NR1D2: variants seen among roughly 807,000 people sequenced by gnomAD.
NR1D2 encodes nuclear receptor subfamily 1 group D member 2.
Under a neutral mutation model 52.2 loss-of-function variants are expected in NR1D2, and 25 were observed. The observed-to-expected ratio is 0.48, with a 90% CI of 0.35 to 0.67. The LOEUF (loss-of-function observed/expected upper bound fraction) is 0.67, where lower values mean the gene tolerates loss of function less well. Among genes scored for constraint, NR1D2 ranks in the 30% least tolerant of loss-of-function variants. NR1D2 has a pLI of 0.01. For missense variants in NR1D2, 681 were observed against 707.2 expected (o/e 0.96, Z 0.42); for synonymous variants, 259 against 230.1 (o/e 1.13, Z -1.14).
chr3:23,977,269 A>G lies in NR1D2; in HGVS notation c.1590A>G (p.Glu530=). The G allele has an allele frequency of 6.2e-7, 1 of 1,609,760 alleles. No homozygotes were observed. Among genetic ancestry groups the G allele is most frequent in the Non-Finnish European group, 8.5e-7 (1 of 1,178,202 alleles). The change falls in exon 8 of 8, where the codon GAA becomes GAG. Residue 530 remains glutamate, a synonymous_variant. Coordinates refer to ENST00000312521, the MANE Select transcript of NR1D2 (RefSeq NM_005126.5). ...ENVNSVEALQ[E]TLIRALRTLI... is the part of the protein sequence containing the mutation. ...TCAACTCTGTGGAGGCTTTGCAGGA[A>G]ACTCTCATTCGTGCACTAAGGACCT... is the stretch of plus-strand genomic sequence containing the variant.
chr3:23,957,615 C>T (rs1318990872), intron 3 of NR1D2, among the ~76,000 whole-genome samples: 5 of 149,982 alleles, frequency 3.3e-5, no homozygotes, highest in African/African-American at 7.3e-5. Flanking sequence ...CCCAGCTACT[C>T]GGGAGGCTGA....
chr3:23,964,702 C>A, intron 5 of NR1D2: 1 of 274,790 alleles, frequency 3.6e-6, no homozygotes, highest in Middle Eastern at 1.1e-3. Context: ...AACTCTTAAA[C>A]CTGTGCAACA....
intron 7 of NR1D2, among the ~76,000 whole-genome samples, chr3:23,971,301 C>CCATTTTTTTTTTTTTTT (rs201185985): frequency 9.0e-6 from 1 of 110,852 alleles, no homozygotes. Context: ...ATCTCTATAC[C>CCATTTTTTTTTTTTTTT]TATTTTTTTT....
rs1233777766 is a variant in NR1D2, at chr3:23,973,062, A to ACTG, written c.1544-4159_1544-4158insGCT. The stretch of plus-strand genomic sequence containing the variant: ...ACTTCCTACACCTGTCCAACCAACT[A>ACTG]CTACTAATACTAGTTCCCACTCAGG... On this transcript the variant is annotated intron_variant, in intron 7 of 7. Transcript: ENST00000312521. Among the ~76,000 whole-genome samples, 3 of 152,306 alleles carry ACTG rather than the reference A, an allele frequency of 2.0e-5. No homozygotes were observed. The East Asian group carries it at 5.8e-4, about 29-fold the overall frequency.
At chr3:23,960,034 G>A in intron 4 of NR1D2, 1 of 342,606 alleles carries the variant, frequency 2.9e-6, no homozygotes. Flanking sequence ...TGTTGTTGTT[G>A]CTTCTTCTAA....
intron 3 of NR1D2, among the ~76,000 whole-genome samples, chr3:23,957,013 G>A (rs896963929): frequency 2.0e-5 from 3 of 151,000 alleles, no homozygotes. Flanking sequence ...ATGGAGTTTT[G>A]CTCTTATTTC....
At chr3:23,957,816 A>G (rs930389064) in intron 3 of NR1D2, among the ~76,000 whole-genome samples, 1 of 152,190 alleles carries the variant, frequency 6.6e-6, no homozygotes, top group Non-Finnish European at 1.5e-5. Flanking sequence ...CTGATTGCAT[A>G]TTCTTGATAA....
At chr3:23,951,626 G>T (rs1705935963) in intron 1 of NR1D2, among the ~76,000 whole-genome samples, 1 of 152,208 alleles carries the variant, frequency 6.6e-6, no homozygotes, top group Non-Finnish European at 1.5e-5. Context: ...GATTCACAGG[G>T]TATTAATGAT....
rs558342862 is a variant in NR1D2 at position 23,952,909 on chromosome 3, A to G, written c.17-1628A>G. On this transcript the variant is annotated intron_variant, in intron 1 of 7. Coordinates refer to ENST00000312521, the MANE Select transcript of NR1D2 (RefSeq NM_005126.5). ...TAATTGGTGCTTAAAAACACATCTG[A>G]TATCTACTACATGACAGACTAAAAG... 2.3e-3 allele frequency among the ~76,000 whole-genome samples: 343 copies of G among 150,898 alleles called. 1 individual carries two copies. Among genetic ancestry groups the G allele is most frequent in the Non-Finnish European group, 3.7e-3 (252 of 67,830 alleles).
chr3:23,956,777 TTCTC>T (rs1189637378), intron 3 of NR1D2, among the ~76,000 whole-genome samples: 1 of 152,176 alleles, frequency 6.6e-6, no homozygotes, highest in Non-Finnish European at 1.5e-5. Context: ...CAGGGAATCT[TTCTC>T]TCTTTTTAAA....
At position 23,962,003 on chromosome 3, in the gene NR1D2, C is replaced by T. The variant is rs1445203947; in HGVS notation, c.544C>T (p.Arg182Cys). The T allele has an allele frequency of 2.5e-6, 4 of 1,610,258 alleles. No individual in the cohort carries two copies. Among genetic ancestry groups the T allele is most frequent in the Non-Finnish European group, 2.5e-6 (3 of 1,177,634 alleles). ...DAVRFGRIPK[R>C]EKQRMLIEMQ... ...TGTTCGGTTTGGTCGTATTCCTAAG[C>T]GTGAAAAACAGAGGATGCTAATTGA... The change falls in exon 5 of 8, where the codon CGT becomes TGT. Residue 182 changes from arginine (R) to cysteine (C), a missense_variant. Physicochemically the swap from Arg to Cys is radical, Grantham distance 180 (BLOSUM62 -3). Coordinates refer to ENST00000312521, the MANE Select transcript of NR1D2 (RefSeq NM_005126.5).
intron 7 of NR1D2, among the ~76,000 whole-genome samples, chr3:23,976,643 G>T (rs1457902275): frequency 1.3e-5 from 2 of 152,206 alleles, no homozygotes; most frequent in Non-Finnish European, 1.5e-5. Flanking sequence ...GAGCAAGAGC[G>T]TACCTAAGAT....
rs1706490954 is a variant in NR1D2 at position 23,967,849 on chromosome 3, A to G, written c.1369A>G (p.Lys457Glu). 3 of 1,613,952 alleles carry G rather than the reference A, an allele frequency of 1.9e-6. No individual in the cohort carries two copies. Among genetic ancestry groups the G allele is most frequent in the Non-Finnish European group, 2.5e-6 (3 of 1,180,006 alleles). Residue 457 changes from lysine (K) to glutamate (E), a missense_variant, in exon 7 of 8, where the codon AAG becomes GAG. Transcript: ENST00000312521. ...MVRFASLFDA[K>E]ERTVTFLSGK... ...ACGGTTCGCATCATTATTTGATGCA[A>G]AGGAACGTACTGTCACCTTTTTAAG...
rs750047098 is a variant in NR1D2 at position 23,962,219 on chromosome 3, A to G, written c.760A>G (p.Ile254Val). The change falls in exon 5 of 8, where the codon ATT (isoleucine) becomes GTT (valine). Residue 254 changes from isoleucine (I) to valine (V), a missense_variant. By Grantham distance (29) the Ile-to-Val change is conservative. Coordinates refer to ENST00000312521, the MANE Select transcript of NR1D2 (RefSeq NM_005126.5). ...PSSDFAKEEV[I>V]GMVTRAHKDT... ...TTCTGATTTTGCAAAGGAAGAAGTG[A>G]TTGGCATGGTGACCAGAGCTCACAA... The G allele has an allele frequency of 2.5e-6, 4 of 1,614,208 alleles. No individual in the cohort carries two copies. The highest frequency in any genetic ancestry group is 3.4e-6 in the Non-Finnish European group (4 of 1,180,038).
chr3:23,948,118 CAAA>C (rs58380767), intron 1 of NR1D2, among the ~76,000 whole-genome samples: 2 of 135,238 alleles, frequency 1.5e-5, no homozygotes, highest in Non-Finnish European at 1.6e-5. Context: ...ACTCCCATCT[CAAA>C]AAAAAAAAAA....
rs751460875 is a variant in NR1D2 at position 23,961,961 on chromosome 3, T to C, written c.518-16T>C. 6.4e-6 allele frequency: 10 copies of C among 1,564,696 alleles called. No individual in the cohort carries two copies. The Admixed American group carries it at 1.8e-4, about 28-fold the overall frequency. ...TTATTTAGAATATAGACGTTAAATATCTTTTTCTTCAATAGCTGTTCGGTT... is the reference window on the plus strand; with the variant it reads ...TTATTTAGAATATAGACGTTAAATACCTTTTTCTTCAATAGCTGTTCGGTT... On this transcript the variant is annotated splice_polypyrimidine_tract_variant and intron_variant, in intron 4 of 7. Coordinates refer to ENST00000312521, the MANE Select transcript of NR1D2 (RefSeq NM_005126.5).
chr3:23,976,663 A>G (rs1706731492), intron 7 of NR1D2, among the ~76,000 whole-genome samples: 1 of 152,236 alleles, frequency 6.6e-6, no homozygotes, highest in Non-Finnish European at 1.5e-5. Context: ...TGGAGGCCAC[A>G]GTTTCTTGTA....
At chr3:23,974,607 G>T (rs887783298) in intron 7 of NR1D2, among the ~76,000 whole-genome samples, 1 of 151,950 alleles carries the variant, frequency 6.6e-6, no homozygotes, top group African/African-American at 2.4e-5. Context: ...TTTGGCAAAC[G>T]ATTTCATCAA....
chr3:23,957,589 G>T (rs886071478), intron 3 of NR1D2, among the ~76,000 whole-genome samples: 4 of 151,448 alleles, frequency 2.6e-5, no homozygotes, highest in African/African-American at 9.7e-5. Context: ...CGGACGTAGT[G>T]GTGGGCGCCT....
Sources: allele counts gnomAD v4.1 joint callset (sites outside exome capture counted in the v4.1 genomes callset), GRCh38; gene constraint gnomAD v4.1.1; transcripts MANE v1.5; gene names NCBI Gene and HGNC (gene_info 2026-07-23, HGNC 2026-07-21).